Variants in IL17REL observed in about 807,000 individuals in gnomAD.
IL17REL encodes interleukin 17 receptor E like, also known as interleukin-17 receptor E-like protein.
A neutral mutation model predicts 49.0 loss-of-function variants in IL17REL; 36 were observed. The ratio of observed to expected loss-of-function variants is 0.73; its 90% CI spans 0.56 to 0.97. IL17REL has a LOEUF of 0.97. IL17REL is among the 50% of genes least tolerant of loss of function. IL17REL has a pLI of 0.00. For synonymous variants in IL17REL, 206 were observed against 192.4 expected (o/e 1.07, Z -0.58); for missense variants, 470 against 453.9 (o/e 1.04, Z -0.32).
upstream of IL17REL, among the ~76,000 whole-genome samples, chr22:50,011,952 CCTT>C (rs1180074285): frequency 1.3e-5 from 2 of 152,242 alleles, no homozygotes; most frequent in African/African-American, 2.4e-5. Flanking sequence ...TTCCGGGACA[CCTT>C]CTGTGCCCTT....
upstream of IL17REL, among the ~76,000 whole-genome samples, chr22:50,010,425 A>G (rs991105137): frequency 1.4e-4 from 21 of 152,192 alleles, no homozygotes; most frequent in Admixed American, 1.3e-3. Flanking sequence ...GGAGCGGCGG[A>G]GGCAGCGTGG....
In IL17REL at chr22:49,997,494, T is replaced by A; in HGVS notation, c.878-78A>T. On this transcript the variant is annotated intron_variant, in intron 10 of 12. Coordinates refer to ENST00000341280, the Ensembl canonical transcript of IL17REL. ...TGGTCATTTTCCAGGCTGTGGGGAG[T>A]GAAGGGTGAGACCCCCATCCGGCCC... is the stretch of plus-strand genomic sequence containing the variant. 1 of 1,470,340 alleles carries A rather than the reference T, an allele frequency of 6.8e-7. No individual in the cohort carries two copies. Among genetic ancestry groups the A allele is most frequent in the East Asian group, 2.4e-5 (1 of 42,208 alleles). 91.1% of individuals were successfully genotyped at this position (1,470,340 alleles called of 1,614,324 possible).
intron 2 of IL17REL, 49 bp downstream of exon 3, chr22:50,001,033 A>G: frequency 7.0e-7 from 1 of 1,430,126 alleles, no homozygotes; most frequent in East Asian, 2.5e-5. Context: ...ACCTGGGCCC[A>G]CTGCTGGACC....
At chr22:50,009,614 G>C (rs1394803080), upstream of IL17REL, among the ~76,000 whole-genome samples, 1 of 138,566 alleles carries the variant, frequency 7.2e-6, no homozygotes, top group Non-Finnish European at 1.6e-5. Context: ...ACCCTCTACA[G>C]ACCGGACGGG....
chr22:49,992,573 G>A (rs1379888621), downstream of IL17REL, among the ~76,000 whole-genome samples: 2 of 152,174 alleles, frequency 1.3e-5, no homozygotes, highest in Non-Finnish European at 2.9e-5. Context: ...GATTACAGGT[G>A]TGCAACACCA....
chr22:50,007,552 G>C (rs922894613), intron 1 of IL17REL, among the ~76,000 whole-genome samples: 1 of 151,776 alleles, frequency 6.6e-6, no homozygotes, highest in Non-Finnish European at 1.5e-5. Flanking sequence ...TTTGGGGGGG[G>C]GATTCTTAGT....
At position 50,000,543 on chromosome 22, in the gene IL17REL, T is replaced by C. The variant is rs757501688; in HGVS notation, c.269A>G (p.Tyr90Cys). ...ATGAGGGATGGTCCTCAGGGTGACA[T>C]AGAGGTGCTGGGCCACGCTCACCGC... Residue 90 changes from tyrosine to cysteine, a missense_variant, in exon 4 of 13, where the codon TAT becomes TGT. Physicochemically the swap from Tyr to Cys is radical, Grantham distance 194. Transcript: ENST00000341280. The C allele has an allele frequency of 1.9e-6, 3 of 1,613,530 alleles. No homozygotes were observed. In the South Asian group the frequency reaches 3.3e-5, roughly 18 times the overall value.
downstream of IL17REL, among the ~76,000 whole-genome samples, chr22:49,993,664 A>T (rs2061017361): frequency 6.6e-6 from 1 of 152,046 alleles, no homozygotes. The surrounding 1 kb of genome is among the most constrained non-coding windows in gnomAD (Gnocchi z 6.0). Context: ...AGTTTCCCCC[A>T]TCTGCAGAAG....
At chr22:49,999,433 C>CCAGGCA in exon 6 of IL17REL, 3 of 1,612,482 alleles carry the variant, frequency 1.9e-6, no homozygotes, top group Non-Finnish European at 2.5e-6. Flanking sequence ...CCACCGACCT[C>CCAGGCA]CAGGCACAGG....
exon 2 of IL17REL, chr22:50,001,085 G>A: frequency 1.3e-6 from 2 of 1,581,962 alleles, no homozygotes; most frequent in Non-Finnish European, 1.7e-6. Context: ...CTCTCACCAT[G>A]CAGGGTGATG....
intron 1 of IL17REL, among the ~76,000 whole-genome samples, chr22:50,003,414 A>G (rs1459369300): frequency 1.3e-5 from 2 of 151,064 alleles, no homozygotes; most frequent in African/African-American, 4.9e-5. Flanking sequence ...CCAGCTACTC[A>G]GGAAGCTGAG....
intron 1 of IL17REL, among the ~76,000 whole-genome samples, chr22:50,007,259 C>A (rs1230461410): frequency 6.6e-6 from 1 of 152,076 alleles, no homozygotes; most frequent in Non-Finnish European, 1.5e-5. Context: ...CCCCCTCCAC[C>A]CAATGCGTAG....
downstream of IL17REL, among the ~76,000 whole-genome samples, chr22:49,992,375 A>G (rs1172864447): frequency 6.6e-6 from 1 of 152,234 alleles, no homozygotes; most frequent in African/African-American, 2.4e-5. Context: ...CTGCCTCTGC[A>G]GTCTCTGTTC....
intron 1 of IL17REL, among the ~76,000 whole-genome samples, chr22:50,004,970 T>TAAAAAA (rs11455056): frequency 1.9e-5 from 1 of 51,940 alleles, no homozygotes; most frequent in African/African-American, 6.1e-5. Flanking sequence ...AACCAGAAAG[T>TAAAAAA]AAAAAAAAAA....
intron 5 of IL17REL, 62 bp downstream of exon 7, chr22:49,999,766 G>GC: frequency 7.8e-7 from 1 of 1,278,294 alleles, no homozygotes; most frequent in Admixed American, 4.1e-5. Flanking sequence ...GCTGACCGGG[G>GC]CCCGGGGCGC....
At chr22:49,998,368 A>C (rs1284203471) in intron 7 of IL17REL, 59 bp from the exon 10 acceptor site, 1 of 1,509,608 alleles carries the variant, frequency 6.6e-7, no homozygotes, top group Non-Finnish European at 9.0e-7. Flanking sequence ...TGCCAGGCCC[A>C]TGGGGTCTAG....
chr22:50,001,328 A>G, intron 1 of IL17REL, 97 bp from the exon 3 acceptor site: 1 of 609,060 alleles, frequency 1.6e-6, no homozygotes, highest in Admixed American at 2.9e-5. Flanking sequence ...CTGGGGCTGC[A>G]GTCTTTGCCA....
At chr22:50,005,952 T>G (rs959698486) in intron 1 of IL17REL, among the ~76,000 whole-genome samples, 1 of 151,994 alleles carries the variant, frequency 6.6e-6, no homozygotes, top group Non-Finnish European at 1.5e-5. Flanking sequence ...AAAAAACATA[T>G]GTTTTTTTAA....
At chr22:50,008,968 C>T (rs531148959), upstream of IL17REL, 2 of 152,256 alleles carry the variant, frequency 1.3e-5, no homozygotes, top group African/African-American at 4.8e-5. Context: ...CAGAGGAAAA[C>T]TGAACCATCC....
Sources: allele counts gnomAD v4.1 joint callset (sites outside exome capture counted in the v4.1 genomes callset), GRCh38; gene constraint gnomAD v4.1.1; non-coding constraint Gnocchi (gnomAD v3.1); transcripts MANE v1.5; gene names NCBI Gene and HGNC (gene_info 2026-07-23, HGNC 2026-07-21).